SNN: variants seen among roughly 807,000 people sequenced by gnomAD.
SNN encodes AG8_1.
A neutral mutation model predicts 5.3 loss-of-function variants in SNN; 5 were observed. That is an observed-to-expected ratio of 0.94 (90% CI 0.49 to 1.97). The LOEUF is 1.97. SNN is among the 30% of genes most tolerant of loss of function. The probability of loss-of-function intolerance (pLI) is 0.01; values close to 1 mark genes in which losing one functional copy is unlikely to be tolerated. For synonymous variants in SNN, 67 were observed against 52.1 expected, an observed-to-expected ratio of 1.29 and a Z score of -1.24; for missense variants, 127 against 121.6, an observed-to-expected ratio of 1.04 and a Z score of -0.21.
chr16:11,675,118 C>A (rs8191319), intron 1 of SNN, among the ~76,000 whole-genome samples: 4,804 of 152,218 alleles, frequency 0.032, 267 homozygotes, highest in African/African-American at 0.11. Context: ...TCTTCCCAGG[C>A]CCGATGCAGT....
chr16:11,676,066 A>G lies in SNN; in HGVS notation c.7A>G (p.Ile3Val), dbSNP rs1346703511. Residue 3 changes from isoleucine (I) to valine (V), a missense_variant, in exon 2 of 2, where the codon ATT becomes GTT. Ile to Val is a conservative substitution (Grantham distance 29, BLOSUM62 3). Transcript: ENST00000329565. ...GAAGCCCCCAGCACTGACCATGTCT[A>G]TTATGGACCACAGCCCCACCACGGG... The part of the protein sequence containing the change: MS[I>V]MDHSPTTGVV... 4.4e-6 allele frequency: 7 copies of G among 1,603,718 alleles called. No individual in the cohort carries two copies. Among genetic ancestry groups the G allele is most frequent in the Admixed American group, 1.7e-5 (1 of 59,600 alleles).
chr16:11,668,847 C>A lies in SNN; in HGVS notation c.-86+307C>A, dbSNP rs981009276. ...CGCCCCCGCCCGTGCAGCCCCCGCC[C>A]GTCCTCAGCTACGCTCCCGCCTTCC... On this transcript the variant is annotated intron_variant, in intron 1 of 1. Coordinates refer to ENST00000329565, the MANE Select transcript of SNN (RefSeq NM_003498.6). This position sits in a 1 kb window ranked among gnomAD's most constrained non-coding sequence, Gnocchi z 6.8. Among the ~76,000 whole-genome samples, 4 of 151,944 alleles carry A rather than the reference C, an allele frequency of 2.6e-5. No individual in the cohort carries two copies. Among genetic ancestry groups the A allele is most frequent in the African/African-American group, 9.7e-5 (4 of 41,416 alleles).
At position 11,672,427 on chromosome 16, in the gene SNN, C is replaced by T. The variant is rs371249104; in HGVS notation, c.-85-3548C>T. Among the ~76,000 whole-genome samples, 20 of 152,210 alleles carry T rather than the reference C, an allele frequency of 1.3e-4. No individual in the cohort carries two copies. In the South Asian group the frequency reaches 3.9e-3, roughly 30 times the overall value. ...CAAGAGGCGCCTTCTGAGAAAGTCC[C>T]GAATAGGAAGGTGCCAGCCGTGGGG... is the stretch of plus-strand genomic sequence containing the variant. On this transcript the variant is annotated intron_variant, in intron 1 of 1. Coordinates refer to ENST00000329565, the MANE Select transcript of SNN (RefSeq NM_003498.6). This position sits in a 1 kb window ranked among gnomAD's most constrained non-coding sequence, Gnocchi z 6.0.
In SNN at chr16:11,676,013, G is replaced by A; in HGVS notation, c.-47G>A. The A allele has an allele frequency of 2.0e-6, 3 of 1,532,420 alleles. No individual in the cohort carries two copies. Among genetic ancestry groups the A allele is most frequent in the Non-Finnish European group, 1.8e-6 (2 of 1,138,750 alleles). The allele number at this position is 1,532,420 out of a possible 1,614,324, so 94.9% of individuals were successfully genotyped here. On this transcript the variant is annotated 5_prime_UTR_variant, in exon 2 of 2. Transcript: ENST00000329565. ...AGCCTGAGTTCCAGCCTCACTGAGT[G>A]GCCACCCCCAAAGTGCTGCCAGCCG... is the stretch of plus-strand genomic sequence containing the variant.
intron 1 of SNN, among the ~76,000 whole-genome samples, chr16:11,674,662 C>T (rs2050286929): frequency 6.6e-6 from 1 of 152,216 alleles, no homozygotes; most frequent in Non-Finnish European, 1.5e-5. Context: ...GGGGCCTCAT[C>T]CCCGCTCCCA....
Position 11,673,650 on chromosome 16 carries a change from A to C in SNN, c.-85-2325A>C, listed in dbSNP as rs1308951959. Reference sequence around the variant, plus strand: ...ATGGCCAGATGTCCCCAGGGTGGGGACACAGTGGCCCCCAGTTGAGAACCA... The same window carrying C: ...ATGGCCAGATGTCCCCAGGGTGGGGCCACAGTGGCCCCCAGTTGAGAACCA... On this transcript the variant is annotated intron_variant, in intron 1 of 1. Coordinates refer to ENST00000329565, the MANE Select transcript of SNN (RefSeq NM_003498.6). Among the ~76,000 whole-genome samples, 5 of 152,180 alleles carry C rather than the reference A, an allele frequency of 3.3e-5. No homozygotes were observed. In the East Asian group the frequency reaches 9.6e-4, roughly 29 times the overall value.
In SNN at chr16:11,668,671, G is replaced by A. The variant is rs2050244692; in HGVS notation, c.-86+131G>A. The A allele has an allele frequency of 2.0e-5, 3 of 147,036 alleles. No individual in the cohort carries two copies. The highest frequency in any genetic ancestry group is 4.9e-5 in the African/African-American group (2 of 40,688). The allele number at this position is 147,036 out of a possible 1,614,324, so 9.1% of individuals were successfully genotyped here. On this transcript the variant is annotated intron_variant, in intron 1 of 1. Transcript: ENST00000329565. The surrounding 1 kb of genome is among the most constrained non-coding windows in gnomAD (Gnocchi z 6.8). ...GCCGGGCCGGGGTCTGCGGGCGGGG[G>A]AGGGGCGGCCCGGCGGGCGCGGCTC...
chr16:11,675,641 A>T (rs2050296882), intron 1 of SNN, among the ~76,000 whole-genome samples: 1 of 152,196 alleles, frequency 6.6e-6, no homozygotes, highest in South Asian at 2.1e-4. Flanking sequence ...GTGGTCATGA[A>T]CACTGAGTTG....
rs188870599 is a variant in SNN at position 11,672,701 on chromosome 16, G to A, written c.-85-3274G>A. Among the ~76,000 whole-genome samples, 6 of 152,266 alleles carry A rather than the reference G, an allele frequency of 3.9e-5. No homozygotes were observed. The highest frequency in any genetic ancestry group is 1.2e-4 in the African/African-American group (5 of 41,530). ...AGTCACTGGGCTCTGTGCTCGCGGC[G>A]GGGCAGAACCCCACATCTGGCTCTG... On this transcript the variant is annotated intron_variant, in intron 1 of 1. Transcript: ENST00000329565. This position sits in a 1 kb window ranked among gnomAD's most constrained non-coding sequence, Gnocchi z 6.0.
chr16:11,673,655 G>C (rs1217525503), intron 1 of SNN, among the ~76,000 whole-genome samples: 1 of 152,246 alleles, frequency 6.6e-6, no homozygotes, highest in Non-Finnish European at 1.5e-5. Context: ...TGGGGACACA[G>C]TGGCCCCCAG....
chr16:11,670,920 G>A (rs1884831999), intron 1 of SNN, among the ~76,000 whole-genome samples: 1 of 152,152 alleles, frequency 6.6e-6, no homozygotes, highest in Non-Finnish European at 1.5e-5. Flanking sequence ...TGACGGGGTG[G>A]GGTTCACCCC....
rs2050273772 is a variant in SNN, at chr16:11,672,700, C to T, written c.-85-3275C>T. Among the ~76,000 whole-genome samples the T allele has an allele frequency of 6.6e-6, 1 of 152,148 alleles. No individual in the cohort carries two copies. The highest frequency in any genetic ancestry group is 1.9e-4 in the East Asian group (1 of 5,188). On this transcript the variant is annotated intron_variant, in intron 1 of 1. Transcript: ENST00000329565. This position sits in a 1 kb window ranked among gnomAD's most constrained non-coding sequence, Gnocchi z 6.0. ...CAGTCACTGGGCTCTGTGCTCGCGG[C>T]GGGGCAGAACCCCACATCTGGCTCT...
In SNN at chr16:11,668,914, G is replaced by T. The variant is rs1722811309; in HGVS notation, c.-86+374G>T. 6.6e-6 allele frequency among the ~76,000 whole-genome samples: 1 copy of T among 151,994 alleles called. No homozygotes were observed. The highest frequency in any genetic ancestry group is 1.5e-5 in the Non-Finnish European group (1 of 67,958). ...TCTTCAAAATTCTGGGAGCTCCGGG[G>T]AGGGCTCCGGGGATAGGGGTCCAGG... On this transcript the variant is annotated intron_variant, in intron 1 of 1. Coordinates refer to ENST00000329565, the MANE Select transcript of SNN (RefSeq NM_003498.6). The surrounding 1 kb of genome is among the most constrained non-coding windows in gnomAD (Gnocchi z 6.8).
Position 11,677,449 on chromosome 16 carries a change from T to G in SNN, c.*1123T>G, listed in dbSNP as rs983078681. On this transcript the variant is annotated 3_prime_UTR_variant, in exon 2 of 2. Transcript: ENST00000329565. This position sits in a 1 kb window ranked among gnomAD's most constrained non-coding sequence, Gnocchi z 4.2. ...CGGGTCTCCAGTCCCCTGACCCAGC[T>G]CTAAAGGCACTTAGGACCCAGGGAA... The G allele has an allele frequency of 2.4e-5, 4 of 167,092 alleles. No individual in the cohort carries two copies. The highest frequency in any genetic ancestry group is 9.7e-5 in the African/African-American group (4 of 41,434). The allele number at this position is 167,092 out of a possible 1,614,324, so 10.4% of individuals were successfully genotyped here. A position where few individuals can be genotyped will look rare whatever the true frequency, so the allele number is the denominator to read the frequency against.
At position 11,678,972 on chromosome 16, in the gene SNN, A is replaced by G. The variant is rs1029015595; in HGVS notation, c.*2646A>G. 3.2e-5 allele frequency: 18 copies of G among 555,252 alleles called. 1 individual carries two copies. The highest frequency in any genetic ancestry group is 3.4e-5 in the East Asian group (1 of 29,430). 34.4% of individuals were successfully genotyped at this position (555,252 alleles called of 1,614,324 possible). A position where few individuals can be genotyped will look rare whatever the true frequency, so the allele number is the denominator to read the frequency against. ...AAAATATGGACTAATTTTTTGGACA[A>G]ATCTTCAAACGGACTGTGCTACTGT... is the stretch of plus-strand genomic sequence containing the variant. On this transcript the variant is annotated 3_prime_UTR_variant, in exon 2 of 2. Coordinates refer to ENST00000329565, the MANE Select transcript of SNN (RefSeq NM_003498.6).
chr16:11,676,011 G>A lies in SNN; in HGVS notation c.-49G>A, dbSNP rs375062509. On this transcript the variant is annotated 5_prime_UTR_variant, in exon 2 of 2. In the 5' UTR this introduces an upstream ATG that the reference lacks. Coordinates refer to ENST00000329565, the MANE Select transcript of SNN (RefSeq NM_003498.6). Reference sequence around the variant, plus strand: ...CCAGCCTGAGTTCCAGCCTCACTGAGTGGCCACCCCCAAAGTGCTGCCAGC... The same window carrying A: ...CCAGCCTGAGTTCCAGCCTCACTGAATGGCCACCCCCAAAGTGCTGCCAGC... 1 of 1,531,300 alleles carries A rather than the reference G, an allele frequency of 6.5e-7. No homozygotes were observed. Among genetic ancestry groups the A allele is most frequent in the African/African-American group, 1.4e-5 (1 of 72,768 alleles). 94.9% of individuals were successfully genotyped at this position (1,531,300 alleles called of 1,614,324 possible).
rs1221424061 is a variant in SNN, at chr16:11,672,240, C to T, written c.-86+3700C>T. On this transcript the variant is annotated intron_variant, in intron 1 of 1. Coordinates refer to ENST00000329565, the MANE Select transcript of SNN (RefSeq NM_003498.6). This position sits in a 1 kb window ranked among gnomAD's most constrained non-coding sequence, Gnocchi z 6.0. ...GACAGACGGTGCCCTCCTTGGACTGCCTTGGAGTCCAGTGCGGGGAGTGAG... is the reference window on the plus strand; with the variant it reads ...GACAGACGGTGCCCTCCTTGGACTGTCTTGGAGTCCAGTGCGGGGAGTGAG... 6.6e-6 allele frequency among the ~76,000 whole-genome samples: 1 copy of T among 152,176 alleles called. No individual in the cohort carries two copies. Among genetic ancestry groups the T allele is most frequent in the African/African-American group, 2.4e-5 (1 of 41,442 alleles).
At position 11,668,870 on chromosome 16, in the gene SNN, TC is replaced by T. The variant is rs1283326843; in HGVS notation, c.-86+335del. The stretch of plus-strand genomic sequence containing the variant: ...CCCGTCCTCAGCTACGCTCCCGCCT[TC>T]CCCCGGCATTTCGGGGTTCTTCAAA... On this transcript the variant is annotated intron_variant, in intron 1 of 1. Coordinates refer to ENST00000329565, the MANE Select transcript of SNN (RefSeq NM_003498.6). This position sits in a 1 kb window ranked among gnomAD's most constrained non-coding sequence, Gnocchi z 6.8. 1.3e-5 allele frequency among the ~76,000 whole-genome samples: 2 copies of T among 151,744 alleles called. No individual in the cohort carries two copies. The highest frequency in any genetic ancestry group is 2.9e-5 in the Non-Finnish European group (2 of 67,908).
rs1033205142 is a variant in SNN, at chr16:11,671,393, G to T, written c.-86+2853G>T. Among the ~76,000 whole-genome samples the T allele has an allele frequency of 6.6e-6, 1 of 152,102 alleles. No homozygotes were observed. The highest frequency in any genetic ancestry group is 2.4e-5 in the African/African-American group (1 of 41,410). ...ACTCCAGCCTGCCCAGAGATGGAAG[G>T]CCCAGGCTGTGCTCTGGGTCCTGGC... On this transcript the variant is annotated intron_variant, in intron 1 of 1. Coordinates refer to ENST00000329565, the MANE Select transcript of SNN (RefSeq NM_003498.6). The surrounding 1 kb of genome is among the most constrained non-coding windows in gnomAD (Gnocchi z 4.7).
Sources: gnomAD v4.1 joint callset for allele counts (sites outside exome capture counted in the v4.1 genomes callset) on GRCh38, gnomAD v4.1.1 for gene constraint, Gnocchi (gnomAD v3.1) non-coding constraint, MANE v1.5 for transcripts, NCBI Gene and HGNC (gene_info 2026-07-23, HGNC 2026-07-21) for gene names.